The following DMXL2 variants were observed in gnomAD, a reference collection of about 807,000 sequenced individuals.
The protein encoded by DMXL2 is dmX-like protein 2.
DMXL2 carries 103 observed loss-of-function variants against 331.1 expected under a neutral mutation model. The ratio of observed to expected loss-of-function variants is 0.31; its 90% CI spans 0.27 to 0.37. DMXL2 has a LOEUF of 0.37. Ranked by LOEUF, DMXL2 falls within the 10% of genes least tolerant of loss-of-function variation. DMXL2 has a pLI of 1.00. For synonymous variants in DMXL2, 1,281 were observed against 1,252.1 expected (o/e 1.02, Z -0.49); for missense variants, 3,171 against 3,642.9 (o/e 0.87, Z 3.33).
chr15:51,555,860 C>G (rs975386425), intron 6 of DMXL2, among the ~76,000 whole-genome samples: 6 of 152,062 alleles, frequency 3.9e-5, no homozygotes, highest in African/African-American at 1.4e-4. Context: ...ATTCCTGATC[C>G]AGATGGCTTC....
chr15:51,618,822 C>T (rs951730280), intron 1 of DMXL2, among the ~76,000 whole-genome samples: 1 of 152,186 alleles, frequency 6.6e-6, no homozygotes, highest in African/African-American at 2.4e-5. Flanking sequence ...ACAATCTCTT[C>T]CATCTGCCTT....
At chr15:51,501,659 C>T (rs77791132) in intron 17 of DMXL2, among the ~76,000 whole-genome samples, 3 of 152,186 alleles carry the variant, frequency 2.0e-5, no homozygotes, top group South Asian at 2.1e-4. Flanking sequence ...CGGTGGCTCA[C>T]GCCTGTAATC....
intron 13 of DMXL2, among the ~76,000 whole-genome samples, chr15:51,525,705 G>A (rs1050267568): frequency 2.6e-5 from 4 of 152,228 alleles, no homozygotes; most frequent in East Asian, 3.9e-4. Flanking sequence ...GGTGAAGCTC[G>A]TCTGCCTTTG....
chr15:51,546,804 A>G (rs999955574), intron 7 of DMXL2, among the ~76,000 whole-genome samples: 9 of 152,128 alleles, frequency 5.9e-5, no homozygotes, highest in Admixed American at 3.3e-4. Flanking sequence ...TTAACACCAT[A>G]TACATAATTG....
At position 51,605,646 on chromosome 15, in the gene DMXL2, C is replaced by T. The variant is rs866699579; in HGVS notation, c.87+16813G>A. On this transcript the variant is annotated intron_variant, in intron 1 of 43. Coordinates refer to ENST00000560891, the MANE Select transcript of DMXL2 (RefSeq NM_001378457.1). ...GCAAGCTCCGCTTCCCGGGTTCACGCCATTCTCCCGCCTCAGCCTCCCCAG... is the reference window on the plus strand; with the variant it reads ...GCAAGCTCCGCTTCCCGGGTTCACGTCATTCTCCCGCCTCAGCCTCCCCAG... Among the ~76,000 whole-genome samples the T allele has an allele frequency of 6.7e-4, 63 of 93,352 alleles. 13 individuals are homozygous for T. Among genetic ancestry groups the T allele is most frequent in the African/African-American group, 2.1e-3 (60 of 28,384 alleles). 61.2% of individuals were successfully genotyped at this position (93,352 alleles called of 152,430 possible). A position where few individuals can be genotyped will look rare whatever the true frequency, so the allele number is the denominator to read the frequency against.
At chr15:51,620,991 A>G (rs539510950) in intron 1 of DMXL2, among the ~76,000 whole-genome samples, 19 of 152,326 alleles carry the variant, frequency 1.2e-4, no homozygotes, top group African/African-American at 4.6e-4. Flanking sequence ...AAATATAACC[A>G]AAGATTCCAG....
chr15:51,569,179 A>G (rs2050491374), intron 2 of DMXL2, among the ~76,000 whole-genome samples: 1 of 152,202 alleles, frequency 6.6e-6, no homozygotes, highest in African/African-American at 2.4e-5. Context: ...CCAGCAAGCT[A>G]AGATCCACTG....
intron 9 of DMXL2, among the ~76,000 whole-genome samples, chr15:51,539,877 C>G (rs1385865348): frequency 6.6e-6 from 1 of 152,080 alleles, no homozygotes; most frequent in African/African-American, 2.4e-5. Context: ...GAAAAATTGT[C>G]CTTTGCAAAA....
intron 8 of DMXL2, among the ~76,000 whole-genome samples, chr15:51,543,204 C>T (rs1184634157): frequency 3.3e-5 from 5 of 152,116 alleles, no homozygotes; most frequent in East Asian, 1.9e-4. Flanking sequence ...CTCCATATCA[C>T]GGCCCCACCT....
intron 13 of DMXL2, among the ~76,000 whole-genome samples, chr15:51,530,380 C>A (rs1489088849): frequency 6.6e-6 from 1 of 152,062 alleles, no homozygotes; most frequent in East Asian, 1.9e-4. Flanking sequence ...CAGTAAAGTT[C>A]CAGGATATCA....
At chr15:51,534,606 C>A (rs1244924661) in intron 13 of DMXL2, among the ~76,000 whole-genome samples, 1 of 152,126 alleles carries the variant, frequency 6.6e-6, no homozygotes, top group Non-Finnish European at 1.5e-5. Flanking sequence ...ACCAGGTGAC[C>A]TTTAAAATAT....
rs573372588 is a variant in DMXL2 at position 51,447,882 on chromosome 15, T to C, written c.*1102A>G. The C allele has an allele frequency of 1.3e-5, 2 of 152,788 alleles. No individual in the cohort carries two copies. The highest frequency in any genetic ancestry group is 4.1e-4 in the South Asian group (2 of 4,830). 9.5% of individuals were successfully genotyped at this position (152,788 alleles called of 1,614,324 possible). ...GAAAGTTACTTTTATGCCATTGTAT[T>C]TACTATTTACCACACAGGCATTGAA... On this transcript the variant is annotated 3_prime_UTR_variant, in exon 44 of 44. Transcript: ENST00000560891.
intron 1 of DMXL2, among the ~76,000 whole-genome samples, chr15:51,611,531 CTCTT>C (rs1161650055): frequency 6.6e-6 from 1 of 152,142 alleles, no homozygotes; most frequent in East Asian, 1.9e-4. Flanking sequence ...AAATGATTTT[CTCTT>C]TCTTCAGCAT....
intron 1 of DMXL2, among the ~76,000 whole-genome samples, chr15:51,577,780 C>T (rs1412544240): frequency 1.3e-5 from 2 of 152,138 alleles, no homozygotes; most frequent in Non-Finnish European, 2.9e-5. Flanking sequence ...AAATCACACA[C>T]ACAGTTTTCA....
chr15:51,486,474 G>T, intron 22 of DMXL2, 137 bp from the exon 23 acceptor site: 1 of 661,402 alleles, frequency 1.5e-6, no homozygotes, highest in Non-Finnish European at 2.5e-6. Context: ...GTAGTTAAAT[G>T]ATTGATAGGA....
At chr15:51,549,331 T>C (rs1471402761) in intron 6 of DMXL2, among the ~76,000 whole-genome samples, 1 of 151,732 alleles carries the variant, frequency 6.6e-6, no homozygotes, top group Admixed American at 6.6e-5. Context: ...TGTGTATATA[T>C]ATATACCACA....
Position 51,535,645 on chromosome 15 carries a change from A to C in DMXL2, c.2436+18T>G. On this transcript the variant is annotated intron_variant, in intron 13 of 43. Transcript: ENST00000560891. ...TTTATCTCCTTAGATAAATTAATAA[A>C]GATTATTAAATACTTACTGAAGATT... 6 of 1,568,450 alleles carry C rather than the reference A, an allele frequency of 3.8e-6. No homozygotes were observed. Among genetic ancestry groups the C allele is most frequent in the Middle Eastern group, 1.7e-4 (1 of 5,832 alleles).
At chr15:51,604,177 A>C (rs1280925129) in intron 1 of DMXL2, among the ~76,000 whole-genome samples, 2 of 151,940 alleles carry the variant, frequency 1.3e-5, no homozygotes, top group African/African-American at 4.8e-5. Flanking sequence ...ATGCATACAG[A>C]AAAAGCACTT....
intron 2 of DMXL2, among the ~76,000 whole-genome samples, chr15:51,569,172 G>A (rs1365499607): frequency 6.6e-6 from 1 of 152,204 alleles, no homozygotes; most frequent in Non-Finnish European, 1.5e-5. Flanking sequence ...ACGGAGCCCA[G>A]CAAGCTAAGA....
Sources: gnomAD v4.1 joint callset for allele counts (sites outside exome capture counted in the v4.1 genomes callset) on GRCh38, gnomAD v4.1.1 for gene constraint, MANE v1.5 for transcripts, NCBI Gene and HGNC (gene_info 2026-07-23, HGNC 2026-07-21) for gene names.